GNAS: variants seen among roughly 807,000 people sequenced by gnomAD.
The protein encoded by GNAS is GNAS complex locus, also known as protein ALEX.
Under a neutral mutation model 54.5 loss-of-function variants are expected in GNAS, and 8 were observed. That is an observed-to-expected ratio of 0.15 (90% CI 0.09 to 0.26). The LOEUF is 0.26. Among genes scored for constraint, GNAS ranks in the 10% least tolerant of loss-of-function variants. The pLI is 1.00. For missense variants in GNAS, 170 were observed against 529.8 expected, an observed-to-expected ratio of 0.32 and a Z score of 6.67; for synonymous variants, 204 against 191.4, an observed-to-expected ratio of 1.07 and a Z score of -0.54.
upstream of GNAS, chr20:58,889,254 G>A (rs2088867357): frequency 1.8e-6 from 2 of 1,082,344 alleles, no homozygotes; most frequent in South Asian, 4.4e-5. Context: ...TCTGGCTCCG[G>A]GCTGCGGCGC....
At chr20:58,851,931 T>C (rs2086192404) in intron 1 of GNAS, among the ~76,000 whole-genome samples, 1 of 152,174 alleles carries the variant, frequency 6.6e-6, no homozygotes, top group African/African-American at 2.4e-5. Context: ...CCGCGCGGCA[T>C]GGTATTTATC....
chr20:58,854,740 C>T, intron 1 of GNAS: 2 of 1,540,502 alleles, frequency 1.3e-6, no homozygotes, highest in Non-Finnish European at 1.7e-6. Flanking sequence ...CCAGCTGCGC[C>T]AGACGCAGGG....
chr20:58,905,062 T>C (rs1275042486), intron 5 of GNAS, among the ~76,000 whole-genome samples: 1 of 152,218 alleles, frequency 6.6e-6, no homozygotes, highest in Non-Finnish European at 1.5e-5. Context: ...ACACATTTAG[T>C]GTATATTCTT....
intron 1 of GNAS, among the ~76,000 whole-genome samples, chr20:58,866,434 G>A (rs1265462838): frequency 6.6e-6 from 1 of 152,162 alleles, no homozygotes; most frequent in African/African-American, 2.4e-5. Context: ...CTGATAAAGT[G>A]GACACCCCCT....
chr20:58,910,979 C>T lies in GNAS; in HGVS notation c.*150C>T. ...AGTGATTTTGCGAAACCCCCTTTTC[C>T]CTTCAGCTTGCTTAGATGTTCCAAA... On this transcript the variant is annotated 3_prime_UTR_variant, in exon 13 of 13. Coordinates refer to ENST00000371085, the MANE Select transcript of GNAS (RefSeq NM_000516.7). The surrounding 1 kb of genome is among the most constrained non-coding windows in gnomAD (Gnocchi z 5.8). The T allele has an allele frequency of 1.3e-6, 1 of 788,816 alleles. No homozygotes were observed. The allele number at this position is 788,816 out of a possible 1,614,324, so 48.9% of individuals were successfully genotyped here.
chr20:58,907,309 A>C (rs1213140359), intron 6 of GNAS, among the ~76,000 whole-genome samples: 1 of 152,232 alleles, frequency 6.6e-6, no homozygotes. Flanking sequence ...ACAGAAAAAA[A>C]CAGTCCATCT....
chr20:58,882,229 C>T (rs1237798327), intron 1 of GNAS, among the ~76,000 whole-genome samples: 1 of 152,154 alleles, frequency 6.6e-6, no homozygotes, highest in Non-Finnish European at 1.5e-5. Context: ...CCACTGCGCC[C>T]GGCTAATTTT....
chr20:58,840,524 G>A (rs748461622), upstream of GNAS: 2 of 1,613,560 alleles, frequency 1.2e-6, no homozygotes, highest in Non-Finnish European at 1.7e-6. The surrounding 1 kb of genome is among the most constrained non-coding windows in gnomAD (Gnocchi z 6.0). Flanking sequence ...GCCCGAGACC[G>A]AGCCTGAAGA....
intron 1 of GNAS, chr20:58,855,258 C>T (rs1280693874): frequency 6.3e-7 from 1 of 1,588,872 alleles, no homozygotes; most frequent in Non-Finnish European, 8.6e-7. Context: ...AGAGAAGAAA[C>T]GCAGTAAGCT....
upstream of GNAS, among the ~76,000 whole-genome samples, chr20:58,890,008 C>T (rs1600942205): frequency 6.6e-6 from 1 of 151,528 alleles, no homozygotes; most frequent in Non-Finnish European, 1.5e-5. Context: ...CCGAGAGAGC[C>T]GCTCGCGCCG....
upstream of GNAS, chr20:58,889,209 G>A (rs1396215970): frequency 1.7e-6 from 2 of 1,194,554 alleles, no homozygotes; most frequent in East Asian, 9.8e-5. Flanking sequence ...AGCGGGCTGC[G>A]TCAGGTGGCT....
intron 1 of GNAS, chr20:58,854,582 C>A: frequency 6.4e-7 from 1 of 1,557,404 alleles, no homozygotes; most frequent in Non-Finnish European, 8.6e-7. Context: ...CCGCCCCAGC[C>A]GATCCCGACT....
At chr20:58,908,406 C>T (rs780307365) in intron 6 of GNAS, among the ~76,000 whole-genome samples, 23 of 152,012 alleles carry the variant, frequency 1.5e-4, no homozygotes, top group Non-Finnish European at 1.6e-4. Flanking sequence ...TGTTTGTTTC[C>T]TGTTCAGGAT....
At chr20:58,888,271 G>T (rs958397242), upstream of GNAS, 2 of 152,090 alleles carry the variant, frequency 1.3e-5, no homozygotes, top group Non-Finnish European at 2.9e-5. Flanking sequence ...TTACCTGGCC[G>T]CCTCGGCTCA....
At chr20:58,871,922 A>G (rs2087495623) in intron 1 of GNAS, among the ~76,000 whole-genome samples, 1 of 152,122 alleles carries the variant, frequency 6.6e-6, no homozygotes, top group East Asian at 1.9e-4. Context: ...GAGCGCTGCC[A>G]AGGAGGGTGT....
In GNAS at chr20:58,909,140, C is replaced by T. The variant is rs773558084; in HGVS notation, c.531-22C>T. Reference sequence around the variant, plus strand: ...TGATGTGAGCGCTGTGAACACCCCACGTGTCTTTCTTTTTCTCCCAGCTTC... The same window carrying T: ...TGATGTGAGCGCTGTGAACACCCCATGTGTCTTTCTTTTTCTCCCAGCTTC... On this transcript the variant is annotated intron_variant, in intron 6 of 12. Coordinates refer to ENST00000371085, the MANE Select transcript of GNAS (RefSeq NM_000516.7). The surrounding 1 kb of genome is among the most constrained non-coding windows in gnomAD (Gnocchi z 7.3). 15 of 1,609,472 alleles carry T rather than the reference C, an allele frequency of 9.3e-6. No homozygotes were observed. Among genetic ancestry groups the T allele is most frequent in the African/African-American group, 1.3e-5 (1 of 74,782 alleles).
At chr20:58,877,049 G>A (rs2087868321) in intron 1 of GNAS, 1 of 152,302 alleles carries the variant, frequency 6.6e-6, no homozygotes, top group African/African-American at 2.4e-5. Flanking sequence ...GCAAATGAGA[G>A]AAGCGAAGAG....
Position 58,910,355 on chromosome 20 carries a change from ACC to A in GNAS, c.994_995del (p.Pro332ThrfsTer12). ...ATAGCTACTCCCGAGCCCGGAGAGG[ACC>A]CACGCGTGACCCGGGCCAAGTACTT... On this transcript the variant is annotated frameshift_variant, in exon 12 of 13. Transcript: ENST00000371085. LOFTEE classifies it high-confidence loss of function. The surrounding 1 kb of genome is among the most constrained non-coding windows in gnomAD (Gnocchi z 5.8). 1 of 1,612,132 alleles carries A rather than the reference ACC, an allele frequency of 6.2e-7. No individual in the cohort carries two copies. The highest frequency in any genetic ancestry group is 8.5e-7 in the Non-Finnish European group (1 of 1,178,278).
At chr20:58,854,255 C>G (rs566198679) in intron 1 of GNAS, 2 of 1,613,158 alleles carry the variant, frequency 1.2e-6, no homozygotes, top group East Asian at 2.2e-5. Context: ...GCCCCCCAAT[C>G]GCGCTTGACG....
Sources: gnomAD v4.1 joint callset for allele counts (sites outside exome capture counted in the v4.1 genomes callset) on GRCh38, gnomAD v4.1.1 for gene constraint, Gnocchi (gnomAD v3.1) non-coding constraint, MANE v1.5 for transcripts, NCBI Gene and HGNC (gene_info 2026-07-23, HGNC 2026-07-21) for gene names.